HERC1: variants seen among roughly 807,000 people sequenced by gnomAD.
HERC1 encodes the protein probable E3 ubiquitin-protein ligase HERC1.
In HERC1, 160 loss-of-function variants were observed where a neutral mutation model predicts 554.3. That is an observed-to-expected ratio of 0.29 (90% CI 0.25 to 0.33). The LOEUF is 0.33. Ranked by LOEUF, HERC1 falls within the 10% of genes least tolerant of loss-of-function variation. The pLI is 1.00. For missense variants in HERC1, 4,919 were observed against 5,918.5 expected (o/e 0.83, Z 5.54); for synonymous variants, 2,175 against 2,131.7 (o/e 1.02, Z -0.56).
In HERC1 at chr15:63,764,124, T is replaced by C. The variant is rs1383914627; in HGVS notation, c.998A>G (p.Tyr333Cys). 6.2e-7 allele frequency: 1 copy of C among 1,609,924 alleles called. No individual in the cohort carries two copies. The highest frequency in any genetic ancestry group is 8.5e-7 in the Non-Finnish European group (1 of 1,178,110). The stretch of plus-strand genomic sequence containing the variant: ...TTCAAAGAGACATAATGCTGCCTCG[T>C]AAAGGGAGCACAAGCCATCCGATGT... ...TRTSDGLCSLYEAALCLFEEV... is the reference protein window; with the variant it reads ...TRTSDGLCSLCEAALCLFEEV... The change falls in exon 3 of 78, where the codon TAC becomes TGC. Residue 333 changes from tyrosine to cysteine, a missense_variant. Physicochemically the swap from Tyr to Cys is radical, Grantham distance 194. Coordinates refer to ENST00000443617, the MANE Select transcript of HERC1 (RefSeq NM_003922.4).
chr15:63,734,274 T>C lies in HERC1; in HGVS notation c.2646+450A>G, dbSNP rs1283859286. Among the ~76,000 whole-genome samples the C allele has an allele frequency of 6.6e-6, 1 of 152,198 alleles. No individual in the cohort carries two copies. Among genetic ancestry groups the C allele is most frequent in the Non-Finnish European group, 1.5e-5 (1 of 68,044 alleles). ...ATCTCTGAATCTGATAACTTCTACT[T>C]GGTTGAGCAAAATGTACTATTTTAA... On this transcript the variant is annotated intron_variant, in intron 13 of 77. Coordinates refer to ENST00000443617, the MANE Select transcript of HERC1 (RefSeq NM_003922.4). This position sits in a 1 kb window ranked among gnomAD's most constrained non-coding sequence, Gnocchi z 4.6.
chr15:63,669,665 T>C lies in HERC1; in HGVS notation c.8079A>G (p.Val2693=). The change falls in exon 40 of 78, where the codon GTA becomes GTG. Residue 2693 remains valine (V), a synonymous_variant. Coordinates refer to ENST00000443617, the MANE Select transcript of HERC1 (RefSeq NM_003922.4). ...GAGTCTGTGCCCGACGTGTGGGAAG[T>C]ACAGTGGTAGTTGGGTAACTAGAGA... is the stretch of plus-strand genomic sequence containing the variant. ...QMFSSYPTTT[V]LPTRRAQTPP... 1.9e-6 allele frequency: 3 copies of C among 1,613,918 alleles called. No individual in the cohort carries two copies. The highest frequency in any genetic ancestry group is 1.1e-5 in the South Asian group (1 of 91,086).
rs1004508684 is a variant in HERC1 at position 63,624,162 on chromosome 15, T to C, written c.13441A>G (p.Thr4481Ala). The change falls in exon 72 of 78, where the codon ACC (threonine) becomes GCC (alanine). Residue 4481 changes from threonine to alanine, a missense_variant. Thr to Ala is a moderately conservative substitution (Grantham distance 58). Transcript: ENST00000443617. ...GPQITVKRIS[T>A]RGRKCKPIFV... ...AACACACATACATATGCTAACCTGG[T>C]TGATATCCTCTTTACAGTTATCTGA... 3.1e-6 allele frequency: 5 copies of C among 1,609,976 alleles called. No individual in the cohort carries two copies. In the East Asian group the frequency reaches 8.9e-5, roughly 29 times the overall value.
At chr15:63,768,749 C>A (rs752232602) in intron 2 of HERC1, among the ~76,000 whole-genome samples, 2 of 152,150 alleles carry the variant, frequency 1.3e-5, no homozygotes, top group Non-Finnish European at 2.9e-5. Flanking sequence ...GGGTTTAAAT[C>A]TAGGCTCCAT....
At chr15:63,801,654 A>G (rs2076991627) in intron 1 of HERC1, among the ~76,000 whole-genome samples, 1 of 152,226 alleles carries the variant, frequency 6.6e-6, no homozygotes, top group African/African-American at 2.4e-5. Flanking sequence ...AAGCTAAGCA[A>G]TCTGAATCCA....
chr15:63,708,512 G>C (rs1253499230), intron 24 of HERC1, among the ~76,000 whole-genome samples: 1 of 152,154 alleles, frequency 6.6e-6, no homozygotes, highest in Non-Finnish European at 1.5e-5. Context: ...GAGGGAGCTA[G>C]GGAATAGACT....
chr15:63,674,450 T>C lies in HERC1; in HGVS notation c.7738A>G (p.Ile2580Val), dbSNP rs2071096878. ...MVKRAVMRSP[I>V]KRALGLADLE... ...TCAGCTAATCCCAATGCTCTCTTTA[T>C]GGGTGACCGCATGACTGCTCGCTTC... Residue 2580 changes from isoleucine to valine, a missense_variant, in exon 38 of 78, where the codon ATA becomes GTA. Transcript: ENST00000443617. 4 of 1,613,864 alleles carry C rather than the reference T, an allele frequency of 2.5e-6. No homozygotes were observed. The highest frequency in any genetic ancestry group is 1.7e-5 in the Admixed American group (1 of 59,992).
chr15:63,678,222 G>A lies in HERC1; in HGVS notation c.6693C>T (p.Tyr2231=), dbSNP rs1595952944. Reference sequence around the variant, plus strand: ...TTTCCATCATTTTTTTGTTAATGCAGTAAGTCCAACGGTCTGTTCGGTGAA... The same window carrying A: ...TTTCCATCATTTTTTTGTTAATGCAATAAGTCCAACGGTCTGTTCGGTGAA... ...RILHRTDRWT[Y]CINKKMMERL... is the part of the protein sequence containing the mutation. The change falls in exon 37 of 78, where the codon TAC becomes TAT. Residue 2231 remains tyrosine, a synonymous_variant. Transcript: ENST00000443617. The A allele has an allele frequency of 1.2e-6, 2 of 1,613,570 alleles. No homozygotes were observed. The highest frequency in any genetic ancestry group is 1.7e-6 in the Non-Finnish European group (2 of 1,179,748).
intron 39 of HERC1, among the ~76,000 whole-genome samples, chr15:63,672,261 C>T (rs557109236): frequency 3.3e-5 from 5 of 152,246 alleles, no homozygotes; most frequent in South Asian, 2.1e-4. Flanking sequence ...CTGGTCAGCA[C>T]GACAGCTGAT....
At position 63,747,714 on chromosome 15, in the gene HERC1, T is replaced by A; in HGVS notation, c.2354+10A>T. 1 of 1,507,638 alleles carries A rather than the reference T, an allele frequency of 6.6e-7. No homozygotes were observed. Among genetic ancestry groups the A allele is most frequent in the Non-Finnish European group, 9.0e-7 (1 of 1,107,924 alleles). 93.4% of individuals were successfully genotyped at this position (1,507,638 alleles called of 1,614,324 possible). On this transcript the variant is annotated intron_variant, in intron 11 of 77. Coordinates refer to ENST00000443617, the MANE Select transcript of HERC1 (RefSeq NM_003922.4). The stretch of plus-strand genomic sequence containing the variant: ...CACACACAAAGATACAAAACATACA[T>A]ATAACATACCTTGATGAAGGGAAAG...
chr15:63,780,298 G>A (rs992529387), intron 1 of HERC1, among the ~76,000 whole-genome samples: 29 of 152,094 alleles, frequency 1.9e-4, no homozygotes, highest in African/African-American at 6.8e-4. Flanking sequence ...GTTAATTACT[G>A]CTGTCTAGTC....
At chr15:63,786,950 G>A (rs1392209770) in intron 1 of HERC1, among the ~76,000 whole-genome samples, 1 of 141,814 alleles carries the variant, frequency 7.1e-6, no homozygotes, top group African/African-American at 2.7e-5. Flanking sequence ...TTGAGACGGA[G>A]TTTCACTCTT....
At chr15:63,713,713 G>A in intron 22 of HERC1, 48 bp from the exon 23 acceptor site, 1 of 1,483,710 alleles carries the variant, frequency 6.7e-7, no homozygotes, top group Non-Finnish European at 9.1e-7. Flanking sequence ...GGGGAGAGAA[G>A]AGCAAAGAAA....
chr15:63,737,399 AGATATATATATATATATCT>A lies in HERC1; in HGVS notation c.2521-2569_2521-2551del, dbSNP rs1395170138. On this transcript the variant is annotated intron_variant, in intron 12 of 77. Transcript: ENST00000443617. ...ATATATATATATATATCGTTTTTCC[AGATATATATATATATATCT>A]TTTTTCCAGATATATATATATATAT... Among the ~76,000 whole-genome samples the A allele has an allele frequency of 4.4e-5, 4 of 90,364 alleles. 1 individual carries two copies. Among genetic ancestry groups the A allele is most frequent in the African/African-American group, 1.2e-4 (3 of 24,550 alleles). The allele number at this position is 90,364 out of a possible 152,430, so 59.3% of individuals were successfully genotyped here. A position where few individuals can be genotyped will look rare whatever the true frequency, so the allele number is the denominator to read the frequency against.
chr15:63,726,277 G>A (rs919806168), intron 17 of HERC1, among the ~76,000 whole-genome samples: 3 of 152,096 alleles, frequency 2.0e-5, no homozygotes, highest in Admixed American at 6.6e-5. Flanking sequence ...CCATCATGCC[G>A]GGCCCAGATC....
intron 18 of HERC1, 106 bp from the exon 19 acceptor site, chr15:63,723,461 C>T (rs528765408): frequency 1.9e-5 from 15 of 780,370 alleles, no homozygotes; most frequent in Middle Eastern, 3.9e-4. Context: ...AACTTCAAAC[C>T]ATTTTAAGTA....
intron 12 of HERC1, among the ~76,000 whole-genome samples, chr15:63,745,744 T>C (rs1400535774): frequency 3.3e-5 from 5 of 152,208 alleles, no homozygotes; most frequent in Non-Finnish European, 7.3e-5. Context: ...TTGGTTCTTA[T>C]GAAGGTGGTT....
Position 63,698,704 on chromosome 15 carries a change from A to G in HERC1, c.4905+24T>C, listed in dbSNP as rs751537577. On this transcript the variant is annotated intron_variant, in intron 26 of 77. Transcript: ENST00000443617. ...AGTTTTAAGTTTCCAGAGCTCTCAT[A>G]AGGAGTAAATATCAAAGACTTACTT... The G allele has an allele frequency of 4.4e-6, 7 of 1,601,944 alleles. No homozygotes were observed. The Admixed American group carries it at 1.2e-4, about 27-fold the overall frequency.
At chr15:63,685,736 G>A (rs2071722753) in intron 34 of HERC1, among the ~76,000 whole-genome samples, 1 of 152,198 alleles carries the variant, frequency 6.6e-6, no homozygotes, top group Non-Finnish European at 1.5e-5. Flanking sequence ...GGAGTAGACT[G>A]TGCAAAAGAA....
Sources: gnomAD v4.1 joint callset for allele counts (sites outside exome capture counted in the v4.1 genomes callset) on GRCh38, gnomAD v4.1.1 for gene constraint, Gnocchi (gnomAD v3.1) non-coding constraint, MANE v1.5 for transcripts, NCBI Gene and HGNC (gene_info 2026-07-23, HGNC 2026-07-21) for gene names.